The following RICTOR variants were observed in gnomAD, a reference collection of about 807,000 sequenced individuals.
RICTOR encodes rapamycin-insensitive companion of mTOR.
In RICTOR, 49 loss-of-function variants were observed where a neutral mutation model predicts 214.9. The ratio of observed to expected loss-of-function variants is 0.23; its 90% CI spans 0.18 to 0.29. The LOEUF (loss-of-function observed/expected upper bound fraction) is 0.29. Ranked by LOEUF, RICTOR falls within the 10% of genes least tolerant of loss-of-function variation. The probability of loss-of-function intolerance (pLI) is 1.00; values close to 1 mark genes in which losing one functional copy is unlikely to be tolerated. For synonymous variants in RICTOR, 717 were observed against 711.3 expected (o/e 1.01, Z -0.13); for missense variants, 1,625 against 2,047.0 (o/e 0.79, Z 3.98).
At chr5:38,977,983 G>C (rs1751383092) in intron 9 of RICTOR, among the ~76,000 whole-genome samples, 1 of 152,022 alleles carries the variant, frequency 6.6e-6, no homozygotes, top group South Asian at 2.1e-4. Context: ...GTGCAATAAA[G>C]TCTACCAGAA....
In RICTOR at chr5:38,959,257, C is replaced by G; in HGVS notation, c.2116G>C (p.Asp706His). 1.2e-6 allele frequency: 2 copies of G among 1,601,020 alleles called. No homozygotes were observed. Among genetic ancestry groups the G allele is most frequent in the Non-Finnish European group, 1.7e-6 (2 of 1,172,608 alleles). The change falls in exon 22 of 38, where the codon GAC becomes CAC. Residue 706 changes from aspartate (D) to histidine (H), a missense_variant. Coordinates refer to ENST00000357387, the MANE Select transcript of RICTOR (RefSeq NM_152756.5). ...HLLKLTVSSL[D>H]YSRDGLARVI... ...CTAGCCAATCCATCTCTGCTATAGTCCAAGCTAGAAACAGTAAGTTTTAGC... is the reference window on the plus strand; with the variant it reads ...CTAGCCAATCCATCTCTGCTATAGTGCAAGCTAGAAACAGTAAGTTTTAGC...
Position 39,068,081 on chromosome 5 carries a change from A to G in RICTOR, c.97+6030T>C, listed in dbSNP as rs968964972. ...AAAATAATAAATAAAGACGTAAAAAAGCAGAGAAGGAAGCAATAAATTCCC... is the reference window on the plus strand; with the variant it reads ...AAAATAATAAATAAAGACGTAAAAAGGCAGAGAAGGAAGCAATAAATTCCC... On this transcript the variant is annotated intron_variant, in intron 2 of 37. Coordinates refer to ENST00000357387, the MANE Select transcript of RICTOR (RefSeq NM_152756.5). Among the ~76,000 whole-genome samples, 4 of 152,238 alleles carry G rather than the reference A, an allele frequency of 2.6e-5. No individual in the cohort carries two copies. The South Asian group carries it at 6.2e-4, about 24-fold the overall frequency.
chr5:39,051,070 TACAC>T (rs367801019), intron 2 of RICTOR, among the ~76,000 whole-genome samples: 1 of 132,402 alleles, frequency 7.6e-6, no homozygotes. Context: ...CACACGCACC[TACAC>T]ACACACACAC....
chr5:38,949,445 T>A, intron 31 of RICTOR: 1 of 1,574,284 alleles, frequency 6.4e-7, no homozygotes, highest in Admixed American at 1.8e-5. Flanking sequence ...AAGCGAGAAA[T>A]AAATAAAAAA....
chr5:38,941,145 C>T lies in RICTOR; in HGVS notation c.*1159G>A, dbSNP rs914225079. On this transcript the variant is annotated 3_prime_UTR_variant, in exon 38 of 38. Coordinates refer to ENST00000357387, the MANE Select transcript of RICTOR (RefSeq NM_152756.5). ...CAAATTAAACAAACAAAAACCTTGC[C>T]CTCATCAACTTAACTTCACAAATGG... 3.9e-5 allele frequency: 9 copies of T among 232,698 alleles called. No homozygotes were observed. The highest frequency in any genetic ancestry group is 2.0e-4 in the African/African-American group (9 of 45,254). The allele number at this position is 232,698 out of a possible 1,614,324, so 14.4% of individuals were successfully genotyped here.
intron 2 of RICTOR, among the ~76,000 whole-genome samples, chr5:39,061,711 A>C (rs535510073): frequency 6.6e-6 from 1 of 152,104 alleles, no homozygotes. Flanking sequence ...TAGTAAAACA[A>C]AATAACTATT....
intron 2 of RICTOR, among the ~76,000 whole-genome samples, chr5:39,069,533 G>A (rs1317012458): frequency 1.3e-5 from 2 of 152,318 alleles, no homozygotes; most frequent in Non-Finnish European, 2.9e-5. Context: ...AAGACAGTAA[G>A]TCTGGGCAGA....
chr5:39,003,552 A>C lies in RICTOR; in HGVS notation c.260+6T>G. ...GGGATGGGAGGGGGGAATGAACCAC[A>C]CTTACCAAATTATGATATCCTCATA... is the stretch of plus-strand genomic sequence containing the variant. On this transcript the variant is annotated splice_donor_region_variant and intron_variant, in intron 4 of 37. Transcript: ENST00000357387. The C allele has an allele frequency of 6.3e-7, 1 of 1,587,866 alleles. No homozygotes were observed. Among genetic ancestry groups the C allele is most frequent in the Non-Finnish European group, 8.6e-7 (1 of 1,158,040 alleles).
rs758810469 is a variant in RICTOR at position 38,964,824 on chromosome 5, A to C, written c.1368T>G (p.Ala456=). The change falls in exon 16 of 38, where the codon GCT becomes GCG. Residue 456 remains alanine, a synonymous_variant. Transcript: ENST00000357387. ...LHCLPTLMNM[A]ASFDIPKEKR... is the part of the protein sequence containing the mutation. ...TTTCCTTGGGGATATCAAAGGATGC[A>C]GCCATATTCATTAGGGTTGGCAAGC... The C allele has an allele frequency of 6.2e-7, 1 of 1,604,196 alleles. No individual in the cohort carries two copies. Among genetic ancestry groups the C allele is most frequent in the Admixed American group, 1.7e-5 (1 of 59,574 alleles).
At chr5:39,052,889 T>C (rs771053289) in intron 2 of RICTOR, among the ~76,000 whole-genome samples, 2 of 152,242 alleles carry the variant, frequency 1.3e-5, no homozygotes, top group Admixed American at 6.5e-5. Context: ...ACCTACACTA[T>C]TGCTGAACCC....
Position 38,958,533 on chromosome 5 carries a change from T to A in RICTOR, c.2344-14A>T. 1.3e-6 allele frequency: 2 copies of A among 1,597,790 alleles called. No homozygotes were observed. Among genetic ancestry groups the A allele is most frequent in the Non-Finnish European group, 1.7e-6 (2 of 1,170,070 alleles). On this transcript the variant is annotated splice_polypyrimidine_tract_variant and intron_variant, in intron 23 of 37. Transcript: ENST00000357387. ...ATGAAGATTGGCCTAAAAGAGATTA[T>A]CATTATTTTTTTATAATTGCACAAA...
chr5:38,982,149 C>CA, intron 7 of RICTOR, 113 bp from the exon 8 acceptor site: 1 of 686,448 alleles, frequency 1.5e-6, no homozygotes, highest in South Asian at 1.9e-5. Context: ...CTAATACCAA[C>CA]ATTTATAAGA....
chr5:38,948,799 C>T (rs182392958), intron 31 of RICTOR, among the ~76,000 whole-genome samples: 31 of 152,158 alleles, frequency 2.0e-4, no homozygotes, highest in African/African-American at 7.2e-4. Flanking sequence ...GTACACAATT[C>T]ATTGTCTGCT....
At chr5:39,047,633 T>C (rs922803964) in intron 2 of RICTOR, among the ~76,000 whole-genome samples, 2 of 152,214 alleles carry the variant, frequency 1.3e-5, no homozygotes, top group Non-Finnish European at 2.9e-5. Flanking sequence ...TTATTTCTTT[T>C]AGGAAAAACA....
At chr5:38,966,884 T>C in intron 14 of RICTOR, 163 bp from the exon 15 acceptor site, 2 of 587,244 alleles carry the variant, frequency 3.4e-6, no homozygotes, top group South Asian at 4.4e-5. Context: ...CAGTATAACC[T>C]CTGCCTTCCG....
intron 6 of RICTOR, among the ~76,000 whole-genome samples, chr5:38,996,323 C>G (rs1427937448): frequency 6.6e-6 from 1 of 152,324 alleles, no homozygotes; most frequent in Admixed American, 6.5e-5. Context: ...CCTTAACACC[C>G]TCTCTTGTGG....
intron 2 of RICTOR, among the ~76,000 whole-genome samples, chr5:39,039,818 C>T (rs1757031622): frequency 6.6e-6 from 1 of 152,164 alleles, no homozygotes; most frequent in Non-Finnish European, 1.5e-5. Context: ...CAGGAAACAA[C>T]TGGTGCTGGA....
chr5:38,983,594 C>G (rs1277818921), intron 7 of RICTOR, among the ~76,000 whole-genome samples: 2 of 152,106 alleles, frequency 1.3e-5, no homozygotes, highest in Admixed American at 6.6e-5. Context: ...AACAAAGGAG[C>G]CTTCTAATTA....
At chr5:38,966,923 C>T in intron 14 of RICTOR, 1 of 591,988 alleles carries the variant, frequency 1.7e-6, no homozygotes, top group South Asian at 2.1e-5. Context: ...GTGTCAGCCT[C>T]CTGAGTAGCT....
Sources: gnomAD v4.1 joint callset for allele counts (sites outside exome capture counted in the v4.1 genomes callset) on GRCh38, gnomAD v4.1.1 for gene constraint, MANE v1.5 for transcripts, NCBI Gene and HGNC (gene_info 2026-07-23, HGNC 2026-07-21) for gene names.